LYZL4: variants seen among roughly 807,000 people sequenced by gnomAD.
LYZL4 encodes lysozyme like 4, also known as lysozyme-like protein 4.
In LYZL4, 13 loss-of-function variants were observed where a neutral mutation model predicts 17.6. The ratio of observed to expected loss-of-function variants is 0.74; its 90% CI spans 0.48 to 1.18. The LOEUF (loss-of-function observed/expected upper bound fraction) is 1.18, where lower values mean the gene tolerates loss of function less well. LYZL4 is among the 50% of genes most tolerant of loss of function. The pLI, the probability that LYZL4 is intolerant of heterozygous loss-of-function variation, is 0.00. For missense variants in LYZL4, 174 were observed against 188.2 expected, an observed-to-expected ratio of 0.92 and a Z score of 0.44; for synonymous variants, 64 against 67.7, an observed-to-expected ratio of 0.95 and a Z score of 0.27.
At chr3:42,383,004 G>A in the LYZL4 span, among the ~76,000 whole-genome samples, 1 of 152,038 alleles carries the variant, frequency 6.6e-6, no homozygotes, top group African/African-American at 2.4e-5. Flanking sequence ...GTCTGCCTAA[G>A]AGTCAGTTAG....
intron 4 of LYZL4, among the ~76,000 whole-genome samples, chr3:42,399,322 G>T (rs1698612728): frequency 6.6e-6 from 1 of 152,146 alleles, no homozygotes. Flanking sequence ...TCCCCTTCAA[G>T]GGATTTCTCT....
At chr3:42,387,123 A>G in the LYZL4 span, among the ~76,000 whole-genome samples, 1 of 152,184 alleles carries the variant, frequency 6.6e-6, no homozygotes, top group African/African-American at 2.4e-5. Context: ...GACAATAATA[A>G]TAATAACAAC....
chr3:42,407,480 C>G, intron 1 of LYZL4, 137 bp from the exon 2 acceptor site: 1 of 579,444 alleles, frequency 1.7e-6, no homozygotes, highest in Non-Finnish European at 3.0e-6. Flanking sequence ...AACTCTGCCC[C>G]TTCTCCTCCT....
chr3:42,396,062 C>CA (rs907690075), downstream of LYZL4, among the ~76,000 whole-genome samples: 20 of 147,922 alleles, frequency 1.4e-4, no homozygotes, highest in Admixed American at 3.4e-4. Context: ...GACTCTGTCT[C>CA]AAAAAAAAGA....
Position 42,397,323 on chromosome 3 carries a change from G to A in LYZL4, c.383C>T (p.Ser128Phe). The part of the protein sequence containing the change: ...KEGMGAWPTW[S>F]RYCQYSDTLA... ...GGTATCGGAGTACTGGCAGTACCGG[G>A]ACCAGGTGGGCCTGTGGAGAGAAGT... The change falls in exon 5 of 5, where the codon TCC (serine) becomes TTC (phenylalanine). Residue 128 changes from serine (S) to phenylalanine (F), a missense_variant. Coordinates refer to ENST00000287748, the MANE Select transcript of LYZL4 (RefSeq NM_144634.4). 1.9e-6 allele frequency: 3 copies of A among 1,572,664 alleles called. No individual in the cohort carries two copies. The highest frequency in any genetic ancestry group is 2.6e-6 in the Non-Finnish European group (3 of 1,158,494).
the LYZL4 span, among the ~76,000 whole-genome samples, chr3:42,368,765 G>A: frequency 6.6e-6 from 1 of 151,950 alleles, no homozygotes; most frequent in African/African-American, 2.4e-5. Flanking sequence ...CAGCAAAATG[G>A]CAGTTCACCC....
At chr3:42,369,083 T>G in the LYZL4 span, among the ~76,000 whole-genome samples, 72 of 152,258 alleles carry the variant, frequency 4.7e-4, no homozygotes, top group African/African-American at 1.6e-3. Context: ...CTCTGCAGAT[T>G]TAATTGTTTT....
chr3:42,396,631 G>C (rs952071037), downstream of LYZL4, among the ~76,000 whole-genome samples: 3 of 152,112 alleles, frequency 2.0e-5, no homozygotes, highest in African/African-American at 7.2e-5. Flanking sequence ...AAACATAACA[G>C]CAATTGTCTT....
chr3:42,369,056 T>C, the LYZL4 span, among the ~76,000 whole-genome samples: 122,918 of 152,234 alleles, frequency 0.81, 50,314 homozygotes, highest in African/African-American at 0.94. Context: ...CTGTGAGAAA[T>C]GCTGATGGCT....
downstream of LYZL4, among the ~76,000 whole-genome samples, chr3:42,394,506 G>A (rs1022576632): frequency 6.6e-6 from 1 of 152,166 alleles, no homozygotes; most frequent in Non-Finnish European, 1.5e-5. Context: ...GTTTTGCAAG[G>A]CTTGGAAATA....
chr3:42,372,811 C>T, the LYZL4 span, among the ~76,000 whole-genome samples: 2 of 152,176 alleles, frequency 1.3e-5, no homozygotes. Context: ...GGTCCATGTG[C>T]ATGGGAAAGA....
At chr3:42,393,803 T>C (rs1422184943), downstream of LYZL4, among the ~76,000 whole-genome samples, 3 of 152,074 alleles carry the variant, frequency 2.0e-5, no homozygotes, top group Non-Finnish European at 2.9e-5. Context: ...TTTTTGTTTG[T>C]TTTTTTGAGA....
the LYZL4 span, among the ~76,000 whole-genome samples, chr3:42,385,354 G>A: frequency 6.6e-6 from 1 of 152,062 alleles, no homozygotes; most frequent in African/African-American, 2.4e-5. Context: ...TTAGATACAC[G>A]AATACTTAGC....
chr3:42,372,010 G>A, the LYZL4 span, among the ~76,000 whole-genome samples: 1 of 152,180 alleles, frequency 6.6e-6, no homozygotes. Flanking sequence ...TAAAATAATA[G>A]TGCTGCCTGC....
Position 42,407,209 on chromosome 3 carries a change from C to T in LYZL4, c.43G>A (p.Val15Ile), listed in dbSNP as rs747986654. ...VVLSLLGYLV[V>I]PSGAYILGRC... Reference sequence around the variant, plus strand: ...CCCAAGATGTAAGCACCACTTGGAACCACCAGGTAGCCAAGGAGGGAGAGA... The same window carrying T: ...CCCAAGATGTAAGCACCACTTGGAATCACCAGGTAGCCAAGGAGGGAGAGA... The change falls in exon 2 of 5, where the codon GTT becomes ATT. Residue 15 changes from valine (V) to isoleucine (I), a missense_variant. By Grantham distance (29) the Val-to-Ile change is conservative. Transcript: ENST00000287748. 14 of 1,614,044 alleles carry T rather than the reference C, an allele frequency of 8.7e-6. No homozygotes were observed. The Admixed American group carries it at 2.3e-4, about 27-fold the overall frequency.
chr3:42,370,790 T>C, the LYZL4 span, among the ~76,000 whole-genome samples: 635 of 152,352 alleles, frequency 4.2e-3, 34 homozygotes, highest in Admixed American at 0.033. Context: ...TTAGTGGGAA[T>C]GGATTTCTGT....
chr3:42,406,452 T>TTA (rs1698751790), intron 3 of LYZL4, among the ~76,000 whole-genome samples: 2 of 28,350 alleles, frequency 7.1e-5, no homozygotes, highest in African/African-American at 1.7e-4. Context: ...AGACTCCGTC[T>TTA]CAAAAAAAAA....
chr3:42,365,025 G>C, the LYZL4 span, among the ~76,000 whole-genome samples: 1 of 152,148 alleles, frequency 6.6e-6, no homozygotes, highest in Admixed American at 6.5e-5. Flanking sequence ...GCATACTCTA[G>C]CCAAACTATG....
the LYZL4 span, among the ~76,000 whole-genome samples, chr3:42,389,149 T>C: frequency 6.6e-6 from 1 of 152,224 alleles, no homozygotes; most frequent in Non-Finnish European, 1.5e-5. Context: ...GAGGTGCTCA[T>C]GATGACAGGG....
Sources: gnomAD v4.1 joint callset for allele counts (sites outside exome capture counted in the v4.1 genomes callset) on GRCh38, gnomAD v4.1.1 for gene constraint, MANE v1.5 for transcripts, NCBI Gene and HGNC (gene_info 2026-07-23, HGNC 2026-07-21) for gene names.